EXTL3: variants seen among roughly 807,000 people sequenced by gnomAD.
EXTL3 encodes exostosin-like 3.
EXTL3 carries 27 observed loss-of-function variants against 69.3 expected under a neutral mutation model. The ratio of observed to expected loss-of-function variants is 0.39; its 90% CI spans 0.29 to 0.54. The LOEUF is 0.54. EXTL3 is among the 20% of genes least tolerant of loss of function. The probability of loss-of-function intolerance (pLI) is 0.69; values close to 1 mark genes in which losing one functional copy is unlikely to be tolerated. For synonymous variants in EXTL3, 511 were observed against 499.4 expected (o/e 1.02, Z -0.31); for missense variants, 1,003 against 1,231.8 (o/e 0.81, Z 2.78).
chr8:28,618,079 A>G (rs1267234137), upstream of EXTL3, among the ~76,000 whole-genome samples: 1 of 152,208 alleles, frequency 6.6e-6, no homozygotes, highest in Non-Finnish European at 1.5e-5. Context: ...TGGTTGCCTA[A>G]CATTATGAAT....
chr8:28,682,886 G>C (rs1807513471), intron 1 of EXTL3, among the ~76,000 whole-genome samples: 1 of 152,192 alleles, frequency 6.6e-6, no homozygotes, highest in African/African-American at 2.4e-5. Context: ...TAGTTTTACA[G>C]CTTCAGGTTT....
chr8:28,674,350 G>A (rs1414016105), intron 1 of EXTL3, among the ~76,000 whole-genome samples: 1 of 152,178 alleles, frequency 6.6e-6, no homozygotes, highest in Admixed American at 6.6e-5. Context: ...TGGGATTACA[G>A]GTGTGAGCCA....
intron 1 of EXTL3, among the ~76,000 whole-genome samples, chr8:28,664,431 G>A (rs952526230): frequency 7.2e-5 from 11 of 152,170 alleles, no homozygotes; most frequent in Non-Finnish European, 1.5e-4. Flanking sequence ...CACCCAGGCT[G>A]GAGTGAAGTG....
At chr8:28,742,919 C>A in intron 5 of EXTL3, 167 bp from the exon 6 acceptor site, 1 of 730,744 alleles carries the variant, frequency 1.4e-6, no homozygotes, top group Non-Finnish European at 2.5e-6. Context: ...TGCAGAAGAT[C>A]CACACGACAG....
intron 2 of EXTL3, among the ~76,000 whole-genome samples, chr8:28,614,537 G>T (rs927314210): frequency 6.6e-6 from 1 of 152,032 alleles, no homozygotes; most frequent in Admixed American, 6.6e-5. Context: ...GCCTCCCAAA[G>T]TGCTGGGATT....
At chr8:28,724,084 C>T (rs1801357507) in intron 3 of EXTL3, among the ~76,000 whole-genome samples, 1 of 150,716 alleles carries the variant, frequency 6.6e-6, no homozygotes, top group Non-Finnish European at 1.5e-5. Context: ...AAAATACATA[C>T]AGAATATGAA....
At chr8:28,719,501 G>C (rs746541912) in intron 3 of EXTL3, among the ~76,000 whole-genome samples, 2 of 152,112 alleles carry the variant, frequency 1.3e-5, no homozygotes, top group Non-Finnish European at 2.9e-5. Flanking sequence ...ACTTCCTTCT[G>C]TGCAAAGTGC....
chr8:28,727,445 C>T (rs1801437792), intron 3 of EXTL3, among the ~76,000 whole-genome samples: 1 of 152,166 alleles, frequency 6.6e-6, no homozygotes, highest in African/African-American at 2.4e-5. Context: ...ATGACCCCAC[C>T]TAAGTCTTCT....
At chr8:28,725,546 A>G (rs1158915676) in intron 3 of EXTL3, among the ~76,000 whole-genome samples, 1 of 152,264 alleles carries the variant, frequency 6.6e-6, no homozygotes. Context: ...TTCTGTAAAT[A>G]GAATGGCAGG....
intron 1 of EXTL3, among the ~76,000 whole-genome samples, chr8:28,633,923 C>T (rs149422296): frequency 2.0e-5 from 3 of 152,288 alleles, no homozygotes; most frequent in East Asian, 1.9e-4. Context: ...GAAACTCAGC[C>T]GACCTCTGTG....
At chr8:28,629,791 G>A (rs965995947) in intron 1 of EXTL3, among the ~76,000 whole-genome samples, 2 of 152,122 alleles carry the variant, frequency 1.3e-5, no homozygotes, top group African/African-American at 4.8e-5. Context: ...ACCAGGTATG[G>A]GGATTGCCTG....
chr8:28,735,047 G>A (rs1355354775), intron 4 of EXTL3, among the ~76,000 whole-genome samples: 1 of 151,904 alleles, frequency 6.6e-6, no homozygotes, highest in South Asian at 2.1e-4. Context: ...ATTGAACCAA[G>A]TCTATTGACA....
At chr8:28,710,346 G>A in intron 1 of EXTL3, 1 of 397,444 alleles carries the variant, frequency 2.5e-6, no homozygotes, top group Admixed American at 2.9e-5. Flanking sequence ...TTGAGGACAA[G>A]CCTGCAGGAA....
At position 28,723,456 on chromosome 8, in the gene EXTL3, C is replaced by T. The variant is rs530323540; in HGVS notation, c.2148+5249C>T. On this transcript the variant is annotated intron_variant, in intron 3 of 6. Transcript: ENST00000220562. ...GAAATACAGAAGTTGAAAGCAATTG[C>T]TGGAAAGTCATGTTGCATAATTTAC... Among the ~76,000 whole-genome samples the T allele has an allele frequency of 1.1e-4, 16 of 152,232 alleles. 1 individual carries two copies. The South Asian group carries it at 3.1e-3, about 30-fold the overall frequency.
At position 28,717,233 on chromosome 8, in the gene EXTL3, G is replaced by C; in HGVS notation, c.1174G>C (p.Asp392His). Residue 392 changes from aspartate to histidine, a missense_variant, in exon 3 of 7, where the codon GAT becomes CAT. Asp to His is a moderately conservative substitution (Grantham distance 81). Transcript: ENST00000220562. The surrounding 1 kb of genome is among the most constrained non-coding windows in gnomAD (Gnocchi z 8.3). ...TLKAVQDSKL[D>H]QVLVEFTCKN... ...GAAGGCGGTGCAGGACAGCAAGCTG[G>C]ATCAGGTCCTGGTGGAATTCACCTG... is the stretch of plus-strand genomic sequence containing the variant. 4 of 1,614,218 alleles carry C rather than the reference G, an allele frequency of 2.5e-6. No homozygotes were observed. Among genetic ancestry groups the C allele is most frequent in the Non-Finnish European group, 3.4e-6 (4 of 1,180,038 alleles).
chr8:28,704,068 T>A (rs1191798842), intron 1 of EXTL3, among the ~76,000 whole-genome samples: 2 of 152,190 alleles, frequency 1.3e-5, no homozygotes, highest in Non-Finnish European at 2.9e-5. Flanking sequence ...CCTTTTAAAT[T>A]TTCAGTCATT....
In EXTL3 at chr8:28,725,059, GTGTGATGGCTTGATGTTAAGTT is replaced by G. The variant is rs370019457; in HGVS notation, c.2149-6162_2149-6141del. Among the ~76,000 whole-genome samples the G allele has an allele frequency of 2.4e-4, 37 of 152,222 alleles. No individual in the cohort carries two copies. In the East Asian group the frequency reaches 6.8e-3, roughly 28 times the overall value. On this transcript the variant is annotated intron_variant, in intron 3 of 6. Transcript: ENST00000220562. Reference sequence around the variant, plus strand: ...TCAGTTGCTGTTTCCTTTCTTGCCTGTGTGATGGCTTGATGTTAAGTTTCATTCTCAGATATGGATTTGCTAT... The same window carrying G: ...TCAGTTGCTGTTTCCTTTCTTGCCTGTCATTCTCAGATATGGATTTGCTAT...
At chr8:28,667,279 G>A (rs560920186) in intron 1 of EXTL3, among the ~76,000 whole-genome samples, 1 of 152,216 alleles carries the variant, frequency 6.6e-6, no homozygotes, top group Non-Finnish European at 1.5e-5. Flanking sequence ...GAAAAGTAAT[G>A]CAAGGAACTT....
At chr8:28,653,052 G>T (rs1034104587) in intron 1 of EXTL3, among the ~76,000 whole-genome samples, 1 of 152,160 alleles carries the variant, frequency 6.6e-6, no homozygotes, top group African/African-American at 2.4e-5. Context: ...ATTTACGTTA[G>T]AGGTCACTCT....
Sources: allele counts gnomAD v4.1 joint callset (sites outside exome capture counted in the v4.1 genomes callset), GRCh38; gene constraint gnomAD v4.1.1; non-coding constraint Gnocchi (gnomAD v3.1); transcripts MANE v1.5; gene names NCBI Gene and HGNC (gene_info 2026-07-23, HGNC 2026-07-21).